Variants in ELP3 observed in about 807,000 individuals in gnomAD.
ELP3 encodes elongator complex protein 3.
ELP3 carries 56 observed loss-of-function variants against 74.9 expected under a neutral mutation model. The observed-to-expected ratio is 0.75, with a 90% confidence interval of 0.60 to 0.93. The LOEUF (loss-of-function observed/expected upper bound fraction) is 0.93. ELP3 is among the 40% of genes least tolerant of loss of function. ELP3 has a pLI of 0.00. For missense variants in ELP3, 573 were observed against 686.5 expected, an observed-to-expected ratio of 0.83 and a Z score of 1.85; for synonymous variants, 222 against 239.8, an observed-to-expected ratio of 0.93 and a Z score of 0.68.
In ELP3 at chr8:28,100,060, T is replaced by C. The variant is rs1436045125; in HGVS notation, c.258+94T>C. The C allele has an allele frequency of 2.0e-6, 3 of 1,534,170 alleles. No individual in the cohort carries two copies. In the African/African-American group the frequency reaches 4.1e-5, roughly 21 times the overall value. On this transcript the variant is annotated intron_variant, in intron 3 of 14. Transcript: ENST00000256398. ...TGACGCCCGTGTAGTGAGGTAGAGG[T>C]TGGGGATTCTGAACTAATGAAGTCC...
At chr8:28,181,518 C>T (rs574453256) in intron 14 of ELP3, among the ~76,000 whole-genome samples, 1 of 152,326 alleles carries the variant, frequency 6.6e-6, no homozygotes, top group South Asian at 2.1e-4. Context: ...ATGGAAATAG[C>T]CACCATGTTT....
At chr8:28,103,278 A>T (rs1187978668) in intron 3 of ELP3, among the ~76,000 whole-genome samples, 1 of 152,214 alleles carries the variant, frequency 6.6e-6, no homozygotes, top group Non-Finnish European at 1.5e-5. Flanking sequence ...ATTGTCTTTA[A>T]TAAAGTTTGC....
rs148112059 is a variant in ELP3, at chr8:28,130,969, C to T, written c.779+1306C>T. 2.0e-5 allele frequency among the ~76,000 whole-genome samples: 3 copies of T among 152,262 alleles called. No individual in the cohort carries two copies. In the East Asian group the frequency reaches 5.8e-4, roughly 29 times the overall value. On this transcript the variant is annotated intron_variant, in intron 8 of 14. Coordinates refer to ENST00000256398, the MANE Select transcript of ELP3 (RefSeq NM_018091.6). ...ACATGAATCTAATGGAGCAAGCCAC[C>T]AGCACGCATAAAGCTACAATGTGAT...
In ELP3 at chr8:28,136,263, C is replaced by T. The variant is rs186926203; in HGVS notation, c.907-1435C>T. 1.6e-3 allele frequency among the ~76,000 whole-genome samples: 236 copies of T among 152,198 alleles called. 1 individual carries two copies. The highest frequency in any genetic ancestry group is 5.2e-3 in the African/African-American group (217 of 41,540). On this transcript the variant is annotated intron_variant, in intron 9 of 14. Transcript: ENST00000256398. ...AGGTGTGAGCCACTGCGCCTGGCCC[C>T]TGTTACTTTAGTGTGGTTTTGGAGG...
chr8:28,186,981 G>A (rs891834993), intron 14 of ELP3, among the ~76,000 whole-genome samples: 1 of 152,128 alleles, frequency 6.6e-6, no homozygotes, highest in East Asian at 1.9e-4. Context: ...ATCTTGGCAT[G>A]AATGTCTAGC....
At chr8:28,124,193 T>C (rs1480202671) in intron 7 of ELP3, among the ~76,000 whole-genome samples, 3 of 152,212 alleles carry the variant, frequency 2.0e-5, no homozygotes, top group Admixed American at 2.0e-4. Flanking sequence ...AAGAGAAAGG[T>C]AGAGGACTCC....
chr8:28,187,544 G>C (rs1281742969), intron 14 of ELP3, among the ~76,000 whole-genome samples: 1 of 152,164 alleles, frequency 6.6e-6, no homozygotes. Context: ...GTGCCTCCTT[G>C]TTCCTTGAGT....
At chr8:28,171,608 T>A (rs1189767011) in intron 14 of ELP3, among the ~76,000 whole-genome samples, 6 of 152,196 alleles carry the variant, frequency 3.9e-5, no homozygotes, top group Non-Finnish European at 7.4e-5. Flanking sequence ...TTCTGTGGGT[T>A]GCCTTTTCAC....
At chr8:28,107,243 A>G (rs1811735162) in intron 4 of ELP3, among the ~76,000 whole-genome samples, 1 of 152,244 alleles carries the variant, frequency 6.6e-6, no homozygotes, top group Non-Finnish European at 1.5e-5. Flanking sequence ...GTGAGACTCC[A>G]TATCAAAATA....
At chr8:28,186,970 C>T (rs372446997) in intron 14 of ELP3, among the ~76,000 whole-genome samples, 32 of 152,184 alleles carry the variant, frequency 2.1e-4, no homozygotes, top group African/African-American at 7.7e-4. Flanking sequence ...GAGTCTTCAG[C>T]ATCTTGGCAT....
chr8:28,190,079 T>C lies in ELP3; in HGVS notation c.*354T>C, dbSNP rs1017418964. On this transcript the variant is annotated 3_prime_UTR_variant, in exon 15 of 15. Coordinates refer to ENST00000256398, the MANE Select transcript of ELP3 (RefSeq NM_018091.6). ...ACCATAACTCATGCAATAAAACTGATTGTCATTCGAGGAGCAAACTTAAGA... is the reference window on the plus strand; with the variant it reads ...ACCATAACTCATGCAATAAAACTGACTGTCATTCGAGGAGCAAACTTAAGA... The C allele has an allele frequency of 5.5e-6, 1 of 183,402 alleles. No individual in the cohort carries two copies. The highest frequency in any genetic ancestry group is 1.1e-5 in the Non-Finnish European group (1 of 87,904). The allele number at this position is 183,402 out of a possible 1,614,324, so 11.4% of individuals were successfully genotyped here. A position where few individuals can be genotyped will look rare whatever the true frequency, so the allele number is the denominator to read the frequency against.
chr8:28,127,303 C>A (rs983960253), intron 7 of ELP3, among the ~76,000 whole-genome samples: 3 of 152,102 alleles, frequency 2.0e-5, no homozygotes, highest in African/African-American at 7.2e-5. Flanking sequence ...CAATTGCCTC[C>A]CCTCTAGTTT....
At chr8:28,178,320 C>T (rs1814848238) in intron 14 of ELP3, among the ~76,000 whole-genome samples, 1 of 152,208 alleles carries the variant, frequency 6.6e-6, no homozygotes, top group African/African-American at 2.4e-5. Context: ...CCACTTATGT[C>T]AATAACCAGC....
intron 14 of ELP3, among the ~76,000 whole-genome samples, chr8:28,172,718 C>T (rs1483023853): frequency 5.9e-5 from 9 of 151,996 alleles, no homozygotes; most frequent in Admixed American, 2.0e-4. Context: ...GGCTTCTGAT[C>T]TTAGGGGGAG....
chr8:28,117,246 T>C (rs1280037186), intron 7 of ELP3, among the ~76,000 whole-genome samples: 1 of 152,180 alleles, frequency 6.6e-6, no homozygotes, highest in African/African-American at 2.4e-5. Context: ...TAGTGAACTT[T>C]TAGTATGTAT....
At chr8:28,109,930 T>G (rs1811846757) in intron 5 of ELP3, among the ~76,000 whole-genome samples, 2 of 152,366 alleles carry the variant, frequency 1.3e-5, no homozygotes, top group South Asian at 4.1e-4. Context: ...AATATCTTAG[T>G]GAACATTTTA....
At chr8:28,184,593 T>C (rs6558044) in intron 14 of ELP3, among the ~76,000 whole-genome samples, 71,149 of 152,030 alleles carry the variant, frequency 0.47, 17,479 homozygotes, top group Middle Eastern at 0.57. Context: ...ACTTTCTGGT[T>C]ATCCAAGGAC....
At chr8:28,160,915 G>A (rs746311774) in intron 13 of ELP3, among the ~76,000 whole-genome samples, 3 of 152,088 alleles carry the variant, frequency 2.0e-5, no homozygotes, top group Non-Finnish European at 4.4e-5. Context: ...GGCTAGTCTC[G>A]AACTCCTGAC....
At chr8:28,132,723 T>A (rs966213581) in intron 9 of ELP3, among the ~76,000 whole-genome samples, 1 of 152,210 alleles carries the variant, frequency 6.6e-6, no homozygotes, top group Non-Finnish European at 1.5e-5. Context: ...CACTTAACAT[T>A]TTAACAAGCA....
Sources: allele counts gnomAD v4.1 joint callset (sites outside exome capture counted in the v4.1 genomes callset), GRCh38; gene constraint gnomAD v4.1.1; transcripts MANE v1.5; gene names NCBI Gene and HGNC (gene_info 2026-07-23, HGNC 2026-07-21).